The following FBRS variants were observed in gnomAD, a reference collection of about 807,000 sequenced individuals.
FBRS encodes the protein fibrosin.
A neutral mutation model predicts 86.1 loss-of-function variants in FBRS; 15 were observed. That is an observed-to-expected ratio of 0.17 (90% CI 0.12 to 0.27). FBRS has a LOEUF of 0.27. Ranked by LOEUF, FBRS falls within the 10% of genes least tolerant of loss-of-function variation. The pLI is 1.00. For synonymous variants in FBRS, 666 were observed against 575.8 expected, an observed-to-expected ratio of 1.16 and a Z score of -2.24; for missense variants, 1,367 against 1,301.6, an observed-to-expected ratio of 1.05 and a Z score of -0.77.
In FBRS at chr16:30,661,292, CCTT is replaced by C; in HGVS notation, c.676-9_676-7del. 6.4e-7 allele frequency: 1 copy of C among 1,550,788 alleles called. No individual in the cohort carries two copies. The highest frequency in any genetic ancestry group is 8.7e-7 in the Non-Finnish European group (1 of 1,147,046). ...TCCCTCTCGTGACACCTCTGTCTTT[CCTT>C]CTCCCCAGTGTGACGCGGAAAGTGA... On this transcript the variant is annotated splice_polypyrimidine_tract_variant and intron_variant, in intron 3 of 17. Transcript: ENST00000356166.
chr16:30,659,364 G>GGCC lies in FBRS; in HGVS notation c.-154_-153insCCG, dbSNP rs2052425001. ...CGCCGGCTCCCCGGGCCGTGGCCTT[G>GGCC]GGGCAAGCTCGGGGCCAGCAGATCC... On this transcript the variant is annotated 5_prime_UTR_variant, in exon 1 of 18. Transcript: ENST00000356166. 1.5e-5 allele frequency: 3 copies of GGCC among 198,852 alleles called. No homozygotes were observed. The highest frequency in any genetic ancestry group is 2.4e-5 in the African/African-American group (1 of 42,382). The allele number at this position is 198,852 out of a possible 1,614,324, so 12.3% of individuals were successfully genotyped here. A position where few individuals can be genotyped will look rare whatever the true frequency, so the allele number is the denominator to read the frequency against.
At chr16:30,667,180 G>A in intron 13 of FBRS, 140 bp from the exon 14 acceptor site, 13 of 918,240 alleles carry the variant, frequency 1.4e-5, no homozygotes, top group Middle Eastern at 2.3e-4. Context: ...CTCAGAGAAG[G>A]CTCCGAGAGA....
rs1242132477 is a variant in FBRS, at chr16:30,664,267, C to G, written c.1108C>G (p.Pro370Ala). 1.3e-6 allele frequency: 2 copies of G among 1,489,556 alleles called. No homozygotes were observed. Among genetic ancestry groups the G allele is most frequent in the African/African-American group, 1.4e-5 (1 of 71,378 alleles). The allele number at this position is 1,489,556 out of a possible 1,614,324, so 92.3% of individuals were successfully genotyped here. A position where few individuals can be genotyped will look rare whatever the true frequency, so the allele number is the denominator to read the frequency against. The change falls in exon 7 of 18, where the codon CCC becomes GCC. Residue 370 changes from proline to alanine, a missense_variant. Pro to Ala is a conservative substitution (Grantham distance 27, BLOSUM62 -1). Coordinates refer to ENST00000356166, the MANE Select transcript of FBRS (RefSeq NM_001105079.3). Reference protein sequence around the residue: ...APAPPVAQPPPSSSSSSSSSS... With the variant: ...APAPPVAQPPASSSSSSSSSS... ...GGCCCCTCCCGTGGCTCAGCCTCCC[C>G]CCTCATCATCCTCTTCGTCCTCCTC... is the stretch of plus-strand genomic sequence containing the variant.
rs2151274569 is a variant in FBRS at position 30,670,001 on chromosome 16, GC to G, written c.*361del. 1.9e-6 allele frequency: 1 copy of G among 513,204 alleles called. No homozygotes were observed. The highest frequency in any genetic ancestry group is 3.7e-6 in the Non-Finnish European group (1 of 270,896). 31.8% of individuals were successfully genotyped at this position (513,204 alleles called of 1,614,324 possible). On this transcript the variant is annotated 3_prime_UTR_variant, in exon 18 of 18. Transcript: ENST00000356166. ...GGCTCACTAAGCCAGAGGCCAAAGTGCCCCCTCCCGTTCACCTACCACCCAA... is the reference window on the plus strand; with the variant it reads ...GGCTCACTAAGCCAGAGGCCAAAGTGCCCCTCCCGTTCACCTACCACCCAA...
At chr16:30,666,349 A>G (rs1406777234) in intron 11 of FBRS, 163 bp from the exon 12 acceptor site, 7 of 810,776 alleles carry the variant, frequency 8.6e-6, no homozygotes, top group Non-Finnish European at 1.4e-5. Context: ...AGATGCCTAG[A>G]CTGGGAGAGA....
chr16:30,669,090 C>G lies in FBRS; in HGVS notation c.2388C>G (p.Pro796=). The part of the protein sequence containing the change: ...EKDRDLPFSR[P]QLRVSPATPK... ...CCAGGGACCTCCCCTTCTCACGGCC[C>G]CAGCTCCGAGTTTCTCCTGCTACTC... Residue 796 remains proline, a synonymous_variant, in exon 18 of 18, where the codon CCC becomes CCG. Transcript: ENST00000356166. The surrounding 1 kb of genome is among the most constrained non-coding windows in gnomAD (Gnocchi z 5.9). The G allele has an allele frequency of 3.1e-6, 5 of 1,600,012 alleles. No individual in the cohort carries two copies. The highest frequency in any genetic ancestry group is 4.3e-6 in the Non-Finnish European group (5 of 1,174,282).
At position 30,659,811 on chromosome 16, in the gene FBRS, G is replaced by C; in HGVS notation, c.293G>C (p.Arg98Pro). ...CCCCCGCGACCCCGAGCTCGGAAGCGGCCTGCCGGCTCGGGCAGCCGCGGG... is the reference window on the plus strand; with the variant it reads ...CCCCCGCGACCCCGAGCTCGGAAGCCGCCTGCCGGCTCGGGCAGCCGCGGG... ...PRPPRPRARKRPAGSGSRGEE... is the reference protein window; with the variant it reads ...PRPPRPRARKPPAGSGSRGEE... The change falls in exon 1 of 18, where the codon CGG (arginine) becomes CCG (proline). Residue 98 changes from arginine to proline, a missense_variant. Around this residue, in one of 3 missense-constraint regions of FBRS, gnomAD observed 702 missense variants for 598.7 expected, o/e 1.17. Coordinates refer to ENST00000356166, the MANE Select transcript of FBRS (RefSeq NM_001105079.3). 6.6e-7 allele frequency: 1 copy of C among 1,517,184 alleles called. No homozygotes were observed. The highest frequency in any genetic ancestry group is 2.1e-5 in the Admixed American group (1 of 47,784). 94.0% of individuals were successfully genotyped at this position (1,517,184 alleles called of 1,614,324 possible). A position where few individuals can be genotyped will look rare whatever the true frequency, so the allele number is the denominator to read the frequency against.
rs879258671 is a variant in FBRS, at chr16:30,669,503, C to G, written c.2801C>G (p.Pro934Arg). The G allele has an allele frequency of 6.2e-7, 1 of 1,613,192 alleles. No individual in the cohort carries two copies. The highest frequency in any genetic ancestry group is 8.5e-7 in the Non-Finnish European group (1 of 1,179,804). The stretch of plus-strand genomic sequence containing the variant: ...TACAGCCGCTTGGCTCCTCCACCAC[C>G]ACCTGCTGCGGCCCCGGGAACCCCT... ...LLYSRLAPPPPPAAAPGTPHL... is the reference protein window; with the variant it reads ...LLYSRLAPPPRPAAAPGTPHL... The change falls in exon 18 of 18, where the codon CCA becomes CGA. Residue 934 changes from proline to arginine, a missense_variant. Pro to Arg is a moderately radical substitution (Grantham distance 103). Coordinates refer to ENST00000356166, the MANE Select transcript of FBRS (RefSeq NM_001105079.3). This position sits in a 1 kb window ranked among gnomAD's most constrained non-coding sequence, Gnocchi z 5.9.
chr16:30,660,306 T>G lies in FBRS; in HGVS notation c.503T>G (p.Leu168Arg). 7 of 1,302,154 alleles carry G rather than the reference T, an allele frequency of 5.4e-6. No homozygotes were observed. Among genetic ancestry groups the G allele is most frequent in the Non-Finnish European group, 4.9e-6 (5 of 1,016,552 alleles). 80.7% of individuals were successfully genotyped at this position (1,302,154 alleles called of 1,614,324 possible). A position where few individuals can be genotyped will look rare whatever the true frequency, so the allele number is the denominator to read the frequency against. Reference protein sequence around the residue: ...LQPPERLEHRLKHSGKRKRGG... With the variant: ...LQPPERLEHRRKHSGKRKRGG... ...CCCCCAGAGCGACTGGAACATCGGC[T>G]GAAGCATTCTGGGAAGCGGAAAAGG... Residue 168 changes from leucine (L) to arginine (R), a missense_variant, in exon 2 of 18, where the codon CTG becomes CGG. Physicochemically the swap from Leu to Arg is moderately radical, Grantham distance 102. Around this residue, in one of 3 missense-constraint regions of FBRS, gnomAD observed 702 missense variants for 598.7 expected, o/e 1.17. Transcript: ENST00000356166.
Position 30,664,447 on chromosome 16 carries a change from C to T in FBRS, c.1288C>T (p.Leu430=). The change falls in exon 7 of 18, where the codon CTG becomes TTG. Residue 430 remains leucine (L), a synonymous_variant. Transcript: ENST00000356166. ...CTCCTTGTTCTCCCCTGGCCCCACCCTGCCCCCACCCCCACCCCTGCTGCA... is the reference window on the plus strand; with the variant it reads ...CTCCTTGTTCTCCCCTGGCCCCACCTTGCCCCCACCCCCACCCCTGCTGCA... ...HPSLFSPGPT[L]PPPPPLLQVP... 7.0e-7 allele frequency: 1 copy of T among 1,426,488 alleles called. No individual in the cohort carries two copies. The highest frequency in any genetic ancestry group is 1.5e-5 in the South Asian group (1 of 68,800). 88.4% of individuals were successfully genotyped at this position (1,426,488 alleles called of 1,614,324 possible). A position where few individuals can be genotyped will look rare whatever the true frequency, so the allele number is the denominator to read the frequency against.
chr16:30,659,784 G>A lies in FBRS; in HGVS notation c.266G>A (p.Arg89Gln). Residue 89 changes from arginine (R) to glutamine (Q), a missense_variant, in exon 1 of 18, where the codon CGA (arginine) becomes CAA (glutamine). Arg to Gln is a conservative substitution (Grantham distance 43). This residue lies in a region of FBRS where 702 missense variants were observed against 598.7 expected (regional missense o/e 1.17). Transcript: ENST00000356166. ...PRRRRPRPRP[R>Q]PPRPRARKRP... The stretch of plus-strand genomic sequence containing the variant: ...CGCCGGCGGCCCCGTCCGAGACCTC[G>A]ACCCCCGCGACCCCGAGCTCGGAAG... 6.7e-6 allele frequency: 10 copies of A among 1,489,054 alleles called. No homozygotes were observed. Among genetic ancestry groups the A allele is most frequent in the Non-Finnish European group, 8.0e-6 (9 of 1,123,354 alleles). 92.2% of individuals were successfully genotyped at this position (1,489,054 alleles called of 1,614,324 possible).
chr16:30,658,597 C>G lies in FBRS; in HGVS notation c.-922C>G, dbSNP rs2052413425. 1 of 152,440 alleles carries G rather than the reference C, an allele frequency of 6.6e-6. No individual in the cohort carries two copies. Among genetic ancestry groups the G allele is most frequent in the South Asian group, 2.1e-4 (1 of 4,852 alleles). The allele number at this position is 152,440 out of a possible 1,614,324, so 9.4% of individuals were successfully genotyped here. On this transcript the variant is annotated 5_prime_UTR_variant, in exon 1 of 18. Coordinates refer to ENST00000356166, the MANE Select transcript of FBRS (RefSeq NM_001105079.3). ...CCCTAAGGCCCAAGTCGGACAGAGA[C>G]GGAGGAAAGGAGGAAGAGACTTTTA...
In FBRS at chr16:30,664,536, CG is replaced by C. The variant is rs1207259165; in HGVS notation, c.1357+26del. The C allele has an allele frequency of 2.8e-6, 4 of 1,423,316 alleles. No homozygotes were observed. Among genetic ancestry groups the C allele is most frequent in the Middle Eastern group, 5.1e-4 (2 of 3,886 alleles). 88.2% of individuals were successfully genotyped at this position (1,423,316 alleles called of 1,614,324 possible). A position where few individuals can be genotyped will look rare whatever the true frequency, so the allele number is the denominator to read the frequency against. On this transcript the variant is annotated intron_variant, in intron 7 of 17. Transcript: ENST00000356166. ...TTTCTGGTGAGTTTGGGGTCCTGGC[CG>C]GGGGGTGGGGGGCCATCACCCCGGG... is the stretch of plus-strand genomic sequence containing the variant.
intron 6 of FBRS, among the ~76,000 whole-genome samples, chr16:30,663,564 A>G (rs902989877): frequency 6.6e-6 from 1 of 151,852 alleles, no homozygotes; most frequent in Non-Finnish European, 1.5e-5. Context: ...CCATTGATGC[A>G]GTTCAGATGG....
chr16:30,662,025 T>A lies in FBRS; in HGVS notation c.706-395T>A, dbSNP rs2052468671. Reference sequence around the variant, plus strand: ...TGAGGCAATCTGCAAGCCTGAGTTTTAATGAGGAATCTCCGGATTCTTAAA... The same window carrying A: ...TGAGGCAATCTGCAAGCCTGAGTTTAAATGAGGAATCTCCGGATTCTTAAA... On this transcript the variant is annotated intron_variant, in intron 4 of 17. Coordinates refer to ENST00000356166, the MANE Select transcript of FBRS (RefSeq NM_001105079.3). The A allele has an allele frequency of 1.9e-5, 4 of 215,022 alleles. No individual in the cohort carries two copies. The South Asian group carries it at 2.9e-4, about 15-fold the overall frequency. 13.3% of individuals were successfully genotyped at this position (215,022 alleles called of 1,614,324 possible). A position where few individuals can be genotyped will look rare whatever the true frequency, so the allele number is the denominator to read the frequency against.
At chr16:30,668,469 C>T in intron 15 of FBRS, 91 bp from the exon 16 acceptor site, 1 of 1,160,024 alleles carries the variant, frequency 8.6e-7, no homozygotes, top group African/African-American at 1.5e-5. Flanking sequence ...CTGAGGACTC[C>T]AGGCACCGGT....
Position 30,662,477 on chromosome 16 carries a change from C to T in FBRS, c.754+9C>T, listed in dbSNP as rs2052472958. The T allele has an allele frequency of 1.3e-6, 2 of 1,550,706 alleles. No individual in the cohort carries two copies. Among genetic ancestry groups the T allele is most frequent in the Non-Finnish European group, 1.7e-6 (2 of 1,147,016 alleles). On this transcript the variant is annotated intron_variant, in intron 5 of 17. Coordinates refer to ENST00000356166, the MANE Select transcript of FBRS (RefSeq NM_001105079.3). ...TGTCTCAACCAGCAAAGGTTGGTCC[C>T]AAGGTCTGGGGCTGGAGGCACGGGA...
intron 7 of FBRS, 66 bp downstream of exon 7, chr16:30,664,582 G>T: frequency 7.0e-7 from 1 of 1,431,172 alleles, no homozygotes; most frequent in Non-Finnish European, 9.1e-7. Context: ...AGTTGGCTTT[G>T]GGGCACCTGA....
At chr16:30,662,234 C>T (rs2151267192) in intron 4 of FBRS, 186 bp from the exon 5 acceptor site, 2 of 855,046 alleles carry the variant, frequency 2.3e-6, no homozygotes, top group Non-Finnish European at 1.8e-6. Context: ...GGGTCAGCTG[C>T]TCCACTCTGC....
Sources: gnomAD v4.1 joint callset for allele counts (sites outside exome capture counted in the v4.1 genomes callset) on GRCh38, gnomAD v4.1.1 for gene constraint, gnomAD v4.1.1 regional missense constraint, Gnocchi (gnomAD v3.1) non-coding constraint, MANE v1.5 for transcripts, NCBI Gene and HGNC (gene_info 2026-07-23, HGNC 2026-07-21) for gene names.